Variants in ZDHHC13 observed in about 807,000 individuals in gnomAD.
ZDHHC13 encodes the protein zDHHC palmitoyltransferase 13, also known as palmitoyltransferase ZDHHC13.
ZDHHC13 carries 85 observed loss-of-function variants against 86.0 expected under a neutral mutation model. The observed-to-expected ratio is 0.99, with a 90% CI of 0.83 to 1.18. The LOEUF is 1.18. Ranked by LOEUF, ZDHHC13 falls within the 50% of genes most tolerant of loss-of-function variation. The pLI is 0.00. For missense variants in ZDHHC13, 711 were observed against 730.2 expected (o/e 0.97, Z 0.30); for synonymous variants, 263 against 246.4 (o/e 1.07, Z -0.63).
intron 10 of ZDHHC13, among the ~76,000 whole-genome samples, chr11:19,162,751 A>G (rs11823216): frequency 0.026 from 3,996 of 152,244 alleles, 179 homozygotes; most frequent in African/African-American, 0.091. Flanking sequence ...AACTGAACGT[A>G]TTTTTGAGAA....
chr11:19,148,450 T>C (rs976919502), intron 4 of ZDHHC13, among the ~76,000 whole-genome samples: 2 of 152,108 alleles, frequency 1.3e-5, no homozygotes, highest in African/African-American at 2.4e-5. Context: ...CATATGAATA[T>C]ATAGCTCTTA....
Position 19,172,751 on chromosome 11 carries a change from A to G in ZDHHC13, c.1661A>G (p.Glu554Gly), listed in dbSNP as rs1238214499. ...QIAFLGLTSH[E>G]RISLQKQSKH... ...GCCTTTCTGGGCCTGACCTCCCATG[A>G]GAGAATCAGCCTGCAGAAGCAGAGC... is the stretch of plus-strand genomic sequence containing the variant. The change falls in exon 16 of 17, where the codon GAG (glutamate) becomes GGG (glycine). Residue 554 changes from glutamate (E) to glycine (G), a missense_variant. By Grantham distance (98) the Glu-to-Gly change is moderately conservative. Coordinates refer to ENST00000446113, the MANE Select transcript of ZDHHC13 (RefSeq NM_019028.3). 3.1e-6 allele frequency: 5 copies of G among 1,605,134 alleles called. No homozygotes were observed. The highest frequency in any genetic ancestry group is 3.3e-4 in the Middle Eastern group (2 of 6,060).
chr11:19,164,403 A>ATTTGG (rs1291682854), intron 12 of ZDHHC13, 40 bp downstream of exon 12: 1 of 1,581,718 alleles, frequency 6.3e-7, no homozygotes, highest in Admixed American at 1.7e-5. Flanking sequence ...AGTGAAAGCA[A>ATTTGG]AGTCTTGGTA....
At chr11:19,125,926 G>C (rs1249302305) in intron 1 of ZDHHC13, among the ~76,000 whole-genome samples, 2 of 152,062 alleles carry the variant, frequency 1.3e-5, no homozygotes, top group Non-Finnish European at 2.9e-5. Flanking sequence ...AGTTGGTTGG[G>C]GTTACGGGAG....
chr11:19,174,253 C>T (rs1850300579), intron 16 of ZDHHC13, among the ~76,000 whole-genome samples: 1 of 152,236 alleles, frequency 6.6e-6, no homozygotes, highest in African/African-American at 2.4e-5. Context: ...GAACGGCATG[C>T]AAGTTAAAGC....
chr11:19,138,120 A>G (rs1849198389), intron 1 of ZDHHC13, among the ~76,000 whole-genome samples: 3 of 152,076 alleles, frequency 2.0e-5, no homozygotes, highest in South Asian at 2.1e-4. Context: ...TAATGAATAC[A>G]GGAGCTGGTT....
intron 16 of ZDHHC13, among the ~76,000 whole-genome samples, chr11:19,175,556 G>A (rs573679464): frequency 2.1e-4 from 32 of 152,172 alleles, no homozygotes; most frequent in African/African-American, 7.7e-4. Flanking sequence ...ATTAAGTGGG[G>A]AATCCAAAAT....
In ZDHHC13 at chr11:19,164,334, G is replaced by A; in HGVS notation, c.1267G>A (p.Asp423Asn). The part of the protein sequence containing the change: ...IITLAETGSL[D>N]FRTFCTSCLI... The stretch of plus-strand genomic sequence containing the variant: ...CACCCTTGCAGAAACTGGCTCTCTG[G>A]ACTTCAGAACATTTTGTACATCATG... The change falls in exon 12 of 17, where the codon GAC (aspartate) becomes AAC (asparagine). Residue 423 changes from aspartate (D) to asparagine (N), a missense_variant. Physicochemically the swap from Asp to Asn is conservative, Grantham distance 23. Transcript: ENST00000446113. 1 of 1,613,140 alleles carries A rather than the reference G, an allele frequency of 6.2e-7. No individual in the cohort carries two copies. Among genetic ancestry groups the A allele is most frequent in the Non-Finnish European group, 8.5e-7 (1 of 1,179,494 alleles).
chr11:19,147,539 T>C, intron 3 of ZDHHC13, 57 bp from the exon 4 acceptor site: 1 of 1,433,392 alleles, frequency 7.0e-7, no homozygotes, highest in South Asian at 1.3e-5. Context: ...GTATTTTCTT[T>C]CTCAATATGA....
At position 19,153,441 on chromosome 11, in the gene ZDHHC13, TCAGAGTGATTCTAAATTAA is replaced by T. The variant is rs1487973946; in HGVS notation, c.873+762_873+780del. Among the ~76,000 whole-genome samples the T allele has an allele frequency of 6.6e-5, 10 of 152,314 alleles. No individual in the cohort carries two copies. The South Asian group carries it at 2.1e-3, about 32-fold the overall frequency. On this transcript the variant is annotated intron_variant, in intron 8 of 16. Transcript: ENST00000446113. ...TTAATAATAATTAGTAATTGTACTT[TCAGAGTGATTCTAAATTAA>T]CAGACACTGTATTCTTATGTAGAGG...
At chr11:19,136,069 C>T (rs537268248) in intron 1 of ZDHHC13, among the ~76,000 whole-genome samples, 10 of 151,926 alleles carry the variant, frequency 6.6e-5, no homozygotes, top group East Asian at 5.8e-4. Flanking sequence ...CAAAGCTGGA[C>T]AGAGAATGAC....
chr11:19,156,044 A>G (rs1228074901), intron 9 of ZDHHC13, 115 bp downstream of exon 9: 2 of 1,260,628 alleles, frequency 1.6e-6, no homozygotes, highest in Non-Finnish European at 1.0e-6. Flanking sequence ...ATTACTTACC[A>G]TATAACAGCA....
intron 14 of ZDHHC13, chr11:19,167,136 TTGGACTTTAAC>T (rs1211163353): frequency 1.3e-5 from 2 of 152,214 alleles, no homozygotes; most frequent in Non-Finnish European, 2.9e-5. Flanking sequence ...GTTTATTTAT[TTGGACTTTAAC>T]TGTTTATTAT....
intron 1 of ZDHHC13, among the ~76,000 whole-genome samples, chr11:19,141,614 A>G (rs986241669): frequency 6.6e-6 from 1 of 151,924 alleles, no homozygotes; most frequent in African/African-American, 2.4e-5. Context: ...AGTAATGGAA[A>G]GGAGAAATAA....
chr11:19,168,432 T>A (rs532749607), intron 14 of ZDHHC13: 1 of 152,362 alleles, frequency 6.6e-6, no homozygotes, highest in East Asian at 1.9e-4. Flanking sequence ...CCAAGTTAGT[T>A]TTTTTATTAC....
intron 1 of ZDHHC13, among the ~76,000 whole-genome samples, chr11:19,136,349 G>T (rs1849139192): frequency 6.6e-6 from 1 of 152,178 alleles, no homozygotes; most frequent in South Asian, 2.1e-4. Flanking sequence ...TGAATGAAAT[G>T]AAGCGAGAAG....
intron 3 of ZDHHC13, among the ~76,000 whole-genome samples, chr11:19,146,965 G>A (rs1456470005): frequency 6.6e-6 from 1 of 151,994 alleles, no homozygotes; most frequent in Non-Finnish European, 1.5e-5. Flanking sequence ...AAACTGGCAT[G>A]GTATTTAGAT....
intron 9 of ZDHHC13, 61 bp downstream of exon 9, chr11:19,155,990 G>T: frequency 6.6e-7 from 1 of 1,522,308 alleles, no homozygotes; most frequent in Non-Finnish European, 8.7e-7. Context: ...TCTTATTTCT[G>T]TTGTTGGTTA....
At chr11:19,125,318 C>T (rs1382457834) in intron 1 of ZDHHC13, among the ~76,000 whole-genome samples, 1 of 152,118 alleles carries the variant, frequency 6.6e-6, no homozygotes, top group African/African-American at 2.4e-5. Flanking sequence ...GGACAAAAGA[C>T]TTGAACAGAC....
Sources: gnomAD v4.1 joint callset for allele counts (sites outside exome capture counted in the v4.1 genomes callset) on GRCh38, gnomAD v4.1.1 for gene constraint, MANE v1.5 for transcripts, NCBI Gene and HGNC (gene_info 2026-07-23, HGNC 2026-07-21) for gene names.